The following AAMDC variants were observed in gnomAD, a reference collection of about 807,000 sequenced individuals.
AAMDC encodes mth938 domain-containing protein.
Under a neutral mutation model 15.5 loss-of-function variants are expected in AAMDC, and 16 were observed. The ratio of observed to expected loss-of-function variants is 1.03; its 90% CI spans 0.70 to 1.57. The LOEUF (loss-of-function observed/expected upper bound fraction) is 1.57, where lower values mean the gene tolerates loss of function less well. Among genes scored for constraint, AAMDC ranks in the 40% most tolerant of loss-of-function variants. AAMDC has a pLI of 0.00. For missense variants in AAMDC, 141 were observed against 144.9 expected (o/e 0.97, Z 0.14); for synonymous variants, 51 against 51.6 (o/e 0.99, Z 0.05).
intron 2 of AAMDC, among the ~76,000 whole-genome samples, chr11:77,864,982 CA>C (rs1430679558): frequency 6.6e-6 from 1 of 151,920 alleles, no homozygotes; most frequent in African/African-American, 2.4e-5. Context: ...GTCTCAAAAA[CA>C]AAAAAGAATG....
chr11:77,879,537 T>C (rs926145974), intron 5 of AAMDC, among the ~76,000 whole-genome samples: 7 of 152,224 alleles, frequency 4.6e-5, no homozygotes. Flanking sequence ...CAGGGCTGCA[T>C]GTACCACAGA....
intron 2 of AAMDC, among the ~76,000 whole-genome samples, chr11:77,856,838 T>A (rs186823862): frequency 2.0e-5 from 3 of 152,316 alleles, no homozygotes; most frequent in Non-Finnish European, 4.4e-5. Flanking sequence ...ACATGAGATT[T>A]GGGCAGGGAC....
downstream of AAMDC, chr11:77,901,218 G>C (rs190433200): frequency 1.4e-3 from 911 of 639,734 alleles, 3 homozygotes; most frequent in African/African-American, 0.015. Context: ...GCAAGGGAGA[G>C]ACACAATTGG....
chr11:77,896,765 A>G (rs548093578), intron 5 of AAMDC, among the ~76,000 whole-genome samples: 12 of 152,172 alleles, frequency 7.9e-5, no homozygotes, highest in African/African-American at 2.9e-4. Flanking sequence ...AACATTTAGT[A>G]TAACAGACTA....
intron 2 of AAMDC, among the ~76,000 whole-genome samples, chr11:77,856,341 A>C (rs1023424752): frequency 6.6e-6 from 1 of 152,122 alleles, no homozygotes; most frequent in African/African-American, 2.4e-5. Flanking sequence ...ACAACCATTC[A>C]ACAGGTCTCT....
intron 2 of AAMDC, among the ~76,000 whole-genome samples, chr11:77,856,520 C>G (rs1445265144): frequency 6.6e-6 from 1 of 152,094 alleles, no homozygotes; most frequent in African/African-American, 2.4e-5. Flanking sequence ...TCTTGCATTG[C>G]TATAAAGAGC....
chr11:77,862,823 G>A (rs1028261951), intron 2 of AAMDC, among the ~76,000 whole-genome samples: 3 of 152,178 alleles, frequency 2.0e-5, no homozygotes, highest in Non-Finnish European at 2.9e-5. Flanking sequence ...CCCTTGAAGA[G>A]GATATCATGG....
downstream of AAMDC, among the ~76,000 whole-genome samples, chr11:77,875,034 T>TC (rs1291414640): frequency 2.8e-5 from 4 of 141,172 alleles, no homozygotes; most frequent in Non-Finnish European, 6.0e-5. Flanking sequence ...AGAGCAAGAC[T>TC]CCATCTCAAA....
At chr11:77,865,354 T>C (rs1951063930) in intron 2 of AAMDC, among the ~76,000 whole-genome samples, 1 of 152,212 alleles carries the variant, frequency 6.6e-6, no homozygotes, top group Admixed American at 6.5e-5. Flanking sequence ...TAGCACAATT[T>C]CATTTAGGGG....
chr11:77,823,085 C>T (rs1019261289), intron 1 of AAMDC, among the ~76,000 whole-genome samples: 6 of 151,696 alleles, frequency 4.0e-5, no homozygotes, highest in African/African-American at 9.7e-5. Flanking sequence ...GTGGTGGCGG[C>T]GGGCCCCTGT....
chr11:77,853,328 G>A (rs919131318), intron 2 of AAMDC, among the ~76,000 whole-genome samples: 4 of 152,122 alleles, frequency 2.6e-5, no homozygotes, highest in African/African-American at 9.7e-5. Context: ...TGTACAGGAA[G>A]CATTGCTAGG....
chr11:77,822,446 C>A (rs1948960061), intron 1 of AAMDC, among the ~76,000 whole-genome samples: 1 of 142,730 alleles, frequency 7.0e-6, no homozygotes, highest in African/African-American at 2.6e-5. Context: ...GAATTTGAAG[C>A]AAGGTACAAC....
chr11:77,825,239 C>G (rs557411152), intron 1 of AAMDC, among the ~76,000 whole-genome samples: 1 of 152,062 alleles, frequency 6.6e-6, no homozygotes, highest in South Asian at 2.1e-4. Context: ...ACCTCAGCCT[C>G]CCAAAGTGCT....
In AAMDC at chr11:77,883,861, T is replaced by C. The variant is rs757006926; in HGVS notation, c.328+6812T>C. The C allele has an allele frequency of 5.6e-6, 9 of 1,612,782 alleles. No homozygotes were observed. In the African/African-American group the frequency reaches 6.7e-5, roughly 12 times the overall value. On this transcript the variant is annotated intron_variant, in intron 5 of 5. Transcript: ENST00000304716. ...CCAAGCGGTGTGGGAGAGATAAACC[T>C]GAGTGATGAGCCGGTGCCGCCCTGG...
At chr11:77,831,213 A>G (rs1487167932) in intron 1 of AAMDC, among the ~76,000 whole-genome samples, 1 of 152,174 alleles carries the variant, frequency 6.6e-6, no homozygotes. Context: ...GGTGTTGACA[A>G]GGATATGGAG....
chr11:77,883,075 A>AAATAATAATAATAATAATAATAAT (rs10687244), intron 5 of AAMDC, among the ~76,000 whole-genome samples: 8 of 148,268 alleles, frequency 5.4e-5, no homozygotes, highest in African/African-American at 2.0e-4. Flanking sequence ...CTCCGTCTCA[A>AAATAATAATAATAATAATAATAAT]AATAATAATA....
chr11:77,850,002 C>G (rs1950306578), intron 2 of AAMDC, among the ~76,000 whole-genome samples: 1 of 152,116 alleles, frequency 6.6e-6, no homozygotes, highest in African/African-American at 2.4e-5. Context: ...GGTAAACTCC[C>G]TAAGGTTAGC....
intron 1 of AAMDC, among the ~76,000 whole-genome samples, chr11:77,828,289 C>T (rs1002753789): frequency 7.3e-5 from 11 of 151,140 alleles, no homozygotes; most frequent in Admixed American, 6.6e-4. Context: ...AAACAAAATA[C>T]ACAAACAGCA....
intron 1 of AAMDC, chr11:77,829,671 ATCTT>A (rs1332128272): frequency 6.6e-6 from 1 of 152,216 alleles, no homozygotes; most frequent in African/African-American, 2.4e-5. Context: ...ACAAGGGTAA[ATCTT>A]TAAGACCTTG....
Sources: gnomAD v4.1 joint callset for allele counts (sites outside exome capture counted in the v4.1 genomes callset) on GRCh38, gnomAD v4.1.1 for gene constraint, MANE v1.5 for transcripts, NCBI Gene and HGNC (gene_info 2026-07-23, HGNC 2026-07-21) for gene names.